Variants in SCARB1 observed in about 807,000 individuals in gnomAD.
The protein encoded by SCARB1 is scavenger receptor class B member 1, also known as CD36 and LIMPII analogous 1.
In SCARB1, 30 loss-of-function variants were observed where a neutral mutation model predicts 57.2. The observed-to-expected ratio is 0.52, with a 90% CI of 0.39 to 0.71. SCARB1 has a LOEUF of 0.71. Among genes scored for constraint, SCARB1 ranks in the 30% least tolerant of loss-of-function variants. The pLI, the probability that SCARB1 is intolerant of heterozygous loss-of-function variation, is 0.00. For missense variants in SCARB1, 543 were observed against 671.2 expected (o/e 0.81, Z 2.11); for synonymous variants, 249 against 268.3 (o/e 0.93, Z 0.70).
chr12:124,780,953 G>A (rs775473231), intron 12 of SCARB1, among the ~76,000 whole-genome samples: 2 of 152,208 alleles, frequency 1.3e-5, no homozygotes, highest in Non-Finnish European at 2.9e-5. Flanking sequence ...CACCGATGGG[G>A]CCAAACCGTG....
At chr12:124,802,784 C>T (rs1950179566) in intron 7 of SCARB1, among the ~76,000 whole-genome samples, 1 of 152,182 alleles carries the variant, frequency 6.6e-6, no homozygotes, top group South Asian at 2.1e-4. Flanking sequence ...TGAGGCAAGT[C>T]GGATGCCCTC....
In SCARB1 at chr12:124,810,819, G is replaced by A. The variant is rs150772406; in HGVS notation, c.727-530C>T. Among the ~76,000 whole-genome samples, 1 of 152,168 alleles carries A rather than the reference G, an allele frequency of 6.6e-6. No individual in the cohort carries two copies. The highest frequency in any genetic ancestry group is 2.4e-5 in the African/African-American group (1 of 41,426). On this transcript the variant is annotated intron_variant, in intron 5 of 12. Transcript: ENST00000261693. The surrounding 1 kb of genome is among the most constrained non-coding windows in gnomAD (Gnocchi z 4.0). ...GTATGATGAGGATGTTTAAAATCAC[G>A]TGCACATGTACAGTATATTGGAATA...
chr12:124,821,402 C>T (rs371463508), intron 1 of SCARB1: 10 of 985,362 alleles, frequency 1.0e-5, no homozygotes, highest in East Asian at 2.3e-4. Context: ...CTCCCCTGGC[C>T]GCTTGGCCTG....
chr12:124,814,913 G>A lies in SCARB1; in HGVS notation c.426+60C>T. ...TGCTCTCTGCACAAGGGGCAGGCGG[G>A]AGGAGAGACAGGGGACGAGGTCAGG... is the stretch of plus-strand genomic sequence containing the variant. On this transcript the variant is annotated intron_variant, in intron 3 of 12. Coordinates refer to ENST00000261693, the MANE Select transcript of SCARB1 (RefSeq NM_005505.5). The surrounding 1 kb of genome is among the most constrained non-coding windows in gnomAD (Gnocchi z 4.7). 1.2e-6 allele frequency: 2 copies of A among 1,608,246 alleles called. No individual in the cohort carries two copies. The highest frequency in any genetic ancestry group is 2.2e-5 in the East Asian group (1 of 44,780).
Position 124,814,141 on chromosome 12 carries a change from T to C in SCARB1, c.630+61A>G. The C allele has an allele frequency of 2.7e-6, 4 of 1,489,790 alleles. No individual in the cohort carries two copies. The highest frequency in any genetic ancestry group is 3.7e-6 in the Non-Finnish European group (4 of 1,067,488). 92.3% of individuals were successfully genotyped at this position (1,489,790 alleles called of 1,614,324 possible). A position where few individuals can be genotyped will look rare whatever the true frequency, so the allele number is the denominator to read the frequency against. On this transcript the variant is annotated intron_variant, in intron 4 of 12. Coordinates refer to ENST00000261693, the MANE Select transcript of SCARB1 (RefSeq NM_005505.5). The surrounding 1 kb of genome is among the most constrained non-coding windows in gnomAD (Gnocchi z 4.7). ...GCAAGCTGGTGACCAGTGTCCAGGC[T>C]GTGTGAGGGGAAGACAGGACACAGG...
At chr12:124,799,011 C>G (rs1312075181) in intron 8 of SCARB1, among the ~76,000 whole-genome samples, 1 of 152,092 alleles carries the variant, frequency 6.6e-6, no homozygotes, top group Non-Finnish European at 1.5e-5. Flanking sequence ...CTGTATTGTA[C>G]TATACAATAC....
chr12:124,781,608 G>A (rs78894215), intron 12 of SCARB1, among the ~76,000 whole-genome samples: 43 of 152,252 alleles, frequency 2.8e-4, no homozygotes, highest in Non-Finnish European at 5.1e-4. Context: ...CAGATAGGGC[G>A]GCCACATAAA....
At chr12:124,840,269 G>T (rs535749765) in intron 1 of SCARB1, among the ~76,000 whole-genome samples, 16,063 of 151,924 alleles carry the variant, frequency 0.11, 947 homozygotes, top group African/African-American at 0.16. Context: ...TACCTCCCAG[G>T]TTCAAACGAT....
At chr12:124,847,072 C>T (rs75256426) in intron 1 of SCARB1, among the ~76,000 whole-genome samples, 19,146 of 152,268 alleles carry the variant, frequency 0.13, 1,355 homozygotes, top group South Asian at 0.19. Context: ...TGAGCTTTCC[C>T]TCTTCTTCAC....
At position 124,810,774 on chromosome 12, in the gene SCARB1, T is replaced by A. The variant is rs1165720858; in HGVS notation, c.727-485A>T. Among the ~76,000 whole-genome samples, 1 of 152,230 alleles carries A rather than the reference T, an allele frequency of 6.6e-6. No individual in the cohort carries two copies. The highest frequency in any genetic ancestry group is 2.4e-5 in the African/African-American group (1 of 41,450). ...GAGACCCAGACTCGACAAAACCAAC[T>A]GCTCACTTTCCAATCTTCTGTATGA... On this transcript the variant is annotated intron_variant, in intron 5 of 12. Transcript: ENST00000261693. This position sits in a 1 kb window ranked among gnomAD's most constrained non-coding sequence, Gnocchi z 4.0.
rs1566231312 is a variant in SCARB1, at chr12:124,837,504, GGAGA to G, written c.127-19801_127-19798del. ...GGAAGGAAGGAAGGAAGGAAGGAAG[GGAGA>G]AAAAAGAAAAGAAAGGAAAGAAAAA... is the stretch of plus-strand genomic sequence containing the variant. On this transcript the variant is annotated intron_variant, in intron 1 of 12. Coordinates refer to ENST00000261693, the MANE Select transcript of SCARB1 (RefSeq NM_005505.5). Among the ~76,000 whole-genome samples, 35 of 122,938 alleles carry G rather than the reference GGAGA, an allele frequency of 2.8e-4. 1 individual carries two copies. The highest frequency in any genetic ancestry group is 9.8e-4 in the African/African-American group (32 of 32,598). 80.7% of individuals were successfully genotyped at this position (122,938 alleles called of 152,430 possible).
Position 124,800,706 on chromosome 12 carries a change from C to T in SCARB1, c.1010-464G>A, listed in dbSNP as rs1950098571. Among the ~76,000 whole-genome samples, 1 of 152,204 alleles carries T rather than the reference C, an allele frequency of 6.6e-6. No individual in the cohort carries two copies. Among genetic ancestry groups the T allele is most frequent in the African/African-American group, 2.4e-5 (1 of 41,458 alleles). On this transcript the variant is annotated intron_variant, in intron 7 of 12. Coordinates refer to ENST00000261693, the MANE Select transcript of SCARB1 (RefSeq NM_005505.5). The surrounding 1 kb of genome is among the most constrained non-coding windows in gnomAD (Gnocchi z 4.8). The stretch of plus-strand genomic sequence containing the variant: ...CCCACACTGTCCCCTGCAGGACACG[C>T]AGCAATGATCGGAGCTCAGGTGTGT...
At chr12:124,830,501 G>A (rs1951342430) in intron 1 of SCARB1, among the ~76,000 whole-genome samples, 1 of 152,134 alleles carries the variant, frequency 6.6e-6, no homozygotes, top group African/African-American at 2.4e-5. Flanking sequence ...GCTACCCAGA[G>A]ACAAAAGGGA....
At chr12:124,837,382 T>TAAC (rs972123019) in intron 1 of SCARB1, among the ~76,000 whole-genome samples, 7 of 146,916 alleles carry the variant, frequency 4.8e-5, no homozygotes, top group Non-Finnish European at 7.4e-5. Flanking sequence ...CCCCACAAGC[T>TAAC]AACAATCATT....
intron 7 of SCARB1, among the ~76,000 whole-genome samples, chr12:124,801,896 ATCCCAGCACTTTAG>A (rs1950144488): frequency 1.1e-4 from 16 of 151,674 alleles, no homozygotes; most frequent in Non-Finnish European, 2.1e-4. Flanking sequence ...CACGCCTGTA[ATCCCAGCACTTTAG>A]GAGGCCGAGG....
chr12:124,825,710 A>G (rs752465541), intron 1 of SCARB1, among the ~76,000 whole-genome samples: 1 of 152,136 alleles, frequency 6.6e-6, no homozygotes, highest in Non-Finnish European at 1.5e-5. Flanking sequence ...TCAGTCAAAG[A>G]TAAGCTGGGC....
Position 124,821,504 on chromosome 12 carries a change from A to G in SCARB1, c.127-3797T>C, listed in dbSNP as rs561366989. The G allele has an allele frequency of 1.7e-5, 17 of 984,114 alleles. No individual in the cohort carries two copies. In the East Asian group the frequency reaches 1.5e-3, roughly 86 times the overall value. The allele number at this position is 984,114 out of a possible 1,614,324, so 61.0% of individuals were successfully genotyped here. The stretch of plus-strand genomic sequence containing the variant: ...CTCTCTCTCTCTCTCTCTCTCCCCA[A>G]AGAAGAGGCTTTCAGGCCCTGGGTT... On this transcript the variant is annotated intron_variant, in intron 1 of 12. Transcript: ENST00000261693.
chr12:124,857,010 T>G (rs1464047822), intron 1 of SCARB1, among the ~76,000 whole-genome samples: 2 of 152,104 alleles, frequency 1.3e-5, no homozygotes. Context: ...TGTTCCCTGG[T>G]GATGCACAGA....
intron 11 of SCARB1, chr12:124,783,933 C>G (rs1034821119): frequency 6.6e-6 from 1 of 152,250 alleles, no homozygotes; most frequent in Non-Finnish European, 1.5e-5. Context: ...AGCATTCTTA[C>G]TGGATTTGAG....
Sources: allele counts gnomAD v4.1 joint callset (sites outside exome capture counted in the v4.1 genomes callset), GRCh38; gene constraint gnomAD v4.1.1; non-coding constraint Gnocchi (gnomAD v3.1); transcripts MANE v1.5; gene names NCBI Gene and HGNC (gene_info 2026-07-23, HGNC 2026-07-21).